PLA2R1: variants seen among roughly 807,000 people sequenced by gnomAD.
PLA2R1 encodes the protein secretory phospholipase A2 receptor.
Under a neutral mutation model 195.9 loss-of-function variants are expected in PLA2R1, and 158 were observed. That is an observed-to-expected ratio of 0.81 (90% confidence interval 0.71 to 0.92). The LOEUF is 0.92. Among genes scored for constraint, PLA2R1 ranks in the 40% least tolerant of loss-of-function variants. PLA2R1 has a pLI of 0.00. For synonymous variants in PLA2R1, 586 were observed against 598.2 expected, an observed-to-expected ratio of 0.98 and a Z score of 0.30; for missense variants, 1,626 against 1,764.6, an observed-to-expected ratio of 0.92 and a Z score of 1.41.
intron 3 of PLA2R1, among the ~76,000 whole-genome samples, chr2:160,041,594 G>A (rs1694523386): frequency 2.6e-5 from 4 of 151,922 alleles, no homozygotes; most frequent in Admixed American, 2.0e-4. Flanking sequence ...TGGTGCCTGG[G>A]CTTGACAATG....
intron 7 of PLA2R1, among the ~76,000 whole-genome samples, chr2:160,021,965 C>T (rs1022260301): frequency 6.6e-6 from 1 of 151,958 alleles, no homozygotes. Context: ...GTTCTTTAAT[C>T]CCAAATGCAA....
chr2:160,043,534 C>G (rs747590605), intron 2 of PLA2R1, among the ~76,000 whole-genome samples: 1 of 152,194 alleles, frequency 6.6e-6, no homozygotes, highest in Non-Finnish European at 1.5e-5. Flanking sequence ...GACCTGAGCT[C>G]ATGACATGTC....
chr2:160,033,504 T>C (rs1693984967), intron 3 of PLA2R1, among the ~76,000 whole-genome samples: 1 of 152,244 alleles, frequency 6.6e-6, no homozygotes, highest in Non-Finnish European at 1.5e-5. Context: ...AAATGTTCAT[T>C]TTAGTAGATA....
chr2:159,993,902 A>C (rs533397384), intron 11 of PLA2R1, among the ~76,000 whole-genome samples: 35 of 152,280 alleles, frequency 2.3e-4, no homozygotes, highest in Admixed American at 7.8e-4. Flanking sequence ...AAGCTAGTAA[A>C]GGGAAAGAAC....
Position 160,028,888 on chromosome 2 carries a change from G to C in PLA2R1, c.917C>G (p.Ser306Cys). 1 of 1,612,982 alleles carries C rather than the reference G, an allele frequency of 6.2e-7. No individual in the cohort carries two copies. The highest frequency in any genetic ancestry group is 8.5e-7 in the Non-Finnish European group (1 of 1,178,936). ...CAGATAGTTGAGCGGCGTTCCATCA[G>C]ACCACTGCCAGCCAGCGTGTTCATC... is the stretch of plus-strand genomic sequence containing the variant. ...QLDEHAGWQW[S>C]DGTPLNYLNW... The change falls in exon 5 of 30, where the codon TCT (serine) becomes TGT (cysteine). Residue 306 changes from serine (S) to cysteine (C), a missense_variant. Ser to Cys is a moderately radical substitution (Grantham distance 112). Transcript: ENST00000283243.
In PLA2R1 at chr2:160,028,232, T is replaced by C; in HGVS notation, c.1085A>G (p.Asp362Gly). The change falls in exon 6 of 30, where the codon GAT (aspartate) becomes GGT (glycine). Residue 362 changes from aspartate (D) to glycine (G), a missense_variant. Transcript: ENST00000283243. ...AAAACGCTTACCAACTATTTCATGA[T>C]CAATGTGGTTTAGATATTTTTTACA... ...YICKKYLNHI[D>G]HEIVEKDAWK... 1 of 1,592,878 alleles carries C rather than the reference T, an allele frequency of 6.3e-7. No homozygotes were observed. The highest frequency in any genetic ancestry group is 8.5e-7 in the Non-Finnish European group (1 of 1,172,268).
intron 6 of PLA2R1, among the ~76,000 whole-genome samples, chr2:160,025,139 T>C (rs933854980): frequency 6.6e-6 from 1 of 152,114 alleles, no homozygotes; most frequent in Non-Finnish European, 1.5e-5. Flanking sequence ...ATTCAGAATG[T>C]TCAAATACCG....
intron 10 of PLA2R1, among the ~76,000 whole-genome samples, chr2:160,012,345 G>A (rs186139887): frequency 1.7e-3 from 252 of 152,192 alleles, no homozygotes; most frequent in Non-Finnish European, 2.3e-3. Flanking sequence ...TCCTGGCATC[G>A]ATACTAATAT....
the PLA2R1 span, among the ~76,000 whole-genome samples, chr2:159,925,852 T>G: frequency 2.0e-5 from 3 of 152,194 alleles, no homozygotes; most frequent in Non-Finnish European, 4.4e-5. Flanking sequence ...AAAAGTATAT[T>G]TTAGTGCTTG....
intron 1 of PLA2R1, among the ~76,000 whole-genome samples, chr2:160,051,604 C>A (rs766395251): frequency 1.3e-5 from 2 of 152,190 alleles, no homozygotes; most frequent in Admixed American, 6.5e-5. Context: ...ATCTAGTGAA[C>A]AATGGATTCA....
intron 3 of PLA2R1, among the ~76,000 whole-genome samples, chr2:160,041,222 T>C (rs913573954): frequency 1.3e-4 from 20 of 152,296 alleles, no homozygotes; most frequent in African/African-American, 4.6e-4. Context: ...ATTTTATATA[T>C]GTGGAGGGGA....
chr2:159,965,976 C>T (rs934334218), intron 20 of PLA2R1, among the ~76,000 whole-genome samples: 3 of 152,118 alleles, frequency 2.0e-5, no homozygotes, highest in African/African-American at 7.2e-5. Flanking sequence ...ACAAAAAGTG[C>T]GTCTTGGCCT....
In PLA2R1 at chr2:159,962,486, AG is replaced by A. The variant is rs1688513153; in HGVS notation, c.2904+5052del. ...TGGAACACAGTGTGGTGATTCCCCA[AG>A]GATCTAGAACTAGAAATACCATTTG... On this transcript the variant is annotated intron_variant, in intron 20 of 29. Transcript: ENST00000283243. 2.0e-5 allele frequency among the ~76,000 whole-genome samples: 3 copies of A among 152,346 alleles called. No individual in the cohort carries two copies. The Middle Eastern group carries it at 0.01, about 518-fold the overall frequency.
At chr2:160,013,414 A>C in intron 9 of PLA2R1, 39 bp from the exon 10 acceptor site, 1,380 of 1,126,336 alleles carry the variant, frequency 1.2e-3, no homozygotes, top group Non-Finnish European at 1.7e-3. Flanking sequence ...ACACAATCTC[A>C]TTTAGTTAAA....
intron 1 of PLA2R1, among the ~76,000 whole-genome samples, chr2:160,049,772 G>A (rs1695107308): frequency 6.6e-6 from 1 of 152,170 alleles, no homozygotes; most frequent in Admixed American, 6.5e-5. Flanking sequence ...GCTGCAGTGA[G>A]CCAAGATCAT....
At chr2:159,942,471 G>GT (rs968500447) in intron 28 of PLA2R1, among the ~76,000 whole-genome samples, 18 of 151,846 alleles carry the variant, frequency 1.2e-4, no homozygotes, top group Admixed American at 1.0e-3. Context: ...CACCCTGCTT[G>GT]TTTTTTTTAA....
At chr2:160,011,753 C>T (rs185988260) in intron 10 of PLA2R1, among the ~76,000 whole-genome samples, 2 of 152,148 alleles carry the variant, frequency 1.3e-5, no homozygotes, top group Non-Finnish European at 2.9e-5. Context: ...GTTCTTGGAA[C>T]CTTTTGGGTG....
At chr2:159,942,993 G>A (rs567348921) in intron 28 of PLA2R1, among the ~76,000 whole-genome samples, 27 of 148,180 alleles carry the variant, frequency 1.8e-4, no homozygotes, top group African/African-American at 6.5e-4. Flanking sequence ...TTTTTTTGAG[G>A]CGAAGTCTCA....
At chr2:160,012,218 A>T (rs1692410925) in intron 10 of PLA2R1, among the ~76,000 whole-genome samples, 1 of 152,186 alleles carries the variant, frequency 6.6e-6, no homozygotes, top group Non-Finnish European at 1.5e-5. Flanking sequence ...GGCCCAGGTA[A>T]ATATGCAAGT....
Sources: gnomAD v4.1 joint callset for allele counts (sites outside exome capture counted in the v4.1 genomes callset) on GRCh38, gnomAD v4.1.1 for gene constraint, MANE v1.5 for transcripts, NCBI Gene and HGNC (gene_info 2026-07-23, HGNC 2026-07-21) for gene names.